DLG2: variants seen among roughly 807,000 people sequenced by gnomAD.
DLG2 encodes the protein disks large homolog 2.
In DLG2, 45 loss-of-function variants were observed where a neutral mutation model predicts 132.5. That is an observed-to-expected ratio of 0.34 (90% CI 0.27 to 0.44). The LOEUF (loss-of-function observed/expected upper bound fraction) is 0.44, where lower values mean the gene tolerates loss of function less well. Among genes scored for constraint, DLG2 ranks in the 20% least tolerant of loss-of-function variants. DLG2 has a pLI of 1.00. For synonymous variants in DLG2, 424 were observed against 419.6 expected, an observed-to-expected ratio of 1.01 and a Z score of -0.13; for missense variants, 1,045 against 1,196.9, an observed-to-expected ratio of 0.87 and a Z score of 1.87.
intron 10 of DLG2, among the ~76,000 whole-genome samples, chr11:84,071,589 T>C (rs915121535): frequency 7.2e-5 from 11 of 152,160 alleles, no homozygotes; most frequent in Non-Finnish European, 1.3e-4. Flanking sequence ...TTATTGTCAA[T>C]CACCTAGATT....
intron 7 of DLG2, among the ~76,000 whole-genome samples, chr11:84,339,674 C>T (rs2098505105): frequency 6.6e-6 from 1 of 152,066 alleles, no homozygotes; most frequent in South Asian, 2.1e-4. Flanking sequence ...AAGATCATCC[C>T]TTAGGAAGCA....
intron 6 of DLG2, among the ~76,000 whole-genome samples, chr11:84,584,930 C>T (rs554529912): frequency 1.4e-4 from 21 of 150,888 alleles, no homozygotes; most frequent in Admixed American, 8.6e-4. Context: ...CCTCGTGATC[C>T]GCCCGCCTCG....
Position 85,004,838 on chromosome 11 carries a change from C to T in DLG2, c.357+106823G>A, listed in dbSNP as rs1392193760. ...TGAATGGTATTGCCAAGGTTTTCTT[C>T]TAGGGTTTTTATGGTTTTAGGTCTT... is the stretch of plus-strand genomic sequence containing the variant. On this transcript the variant is annotated intron_variant, in intron 6 of 27. Coordinates refer to ENST00000376104, the MANE Select transcript of DLG2 (RefSeq NM_001142699.3). Among the ~76,000 whole-genome samples the T allele has an allele frequency of 1.3e-5, 2 of 152,018 alleles. 1 individual carries two copies. The highest frequency in any genetic ancestry group is 2.9e-5 in the Non-Finnish European group (2 of 68,002).
At chr11:84,548,981 T>A (rs1019562968) in intron 6 of DLG2, among the ~76,000 whole-genome samples, 1 of 152,228 alleles carries the variant, frequency 6.6e-6, no homozygotes, top group African/African-American at 2.4e-5. Context: ...AATTAGAATA[T>A]GTAAAACATG....
chr11:83,957,631 T>G (rs2087250246), intron 14 of DLG2, among the ~76,000 whole-genome samples: 1 of 151,828 alleles, frequency 6.6e-6, no homozygotes, highest in African/African-American at 2.4e-5. Context: ...CTCAATGAAC[T>G]TAAAATTAGA....
chr11:84,160,667 A>G (rs1196821038), intron 9 of DLG2, among the ~76,000 whole-genome samples: 1 of 152,206 alleles, frequency 6.6e-6, no homozygotes, highest in East Asian at 1.9e-4. Context: ...AAAGTTATTC[A>G]GTAAAAAGCA....
At chr11:83,809,160 A>G (rs535516933) in intron 17 of DLG2, among the ~76,000 whole-genome samples, 7 of 152,262 alleles carry the variant, frequency 4.6e-5, no homozygotes, top group Admixed American at 2.0e-4. Context: ...ATCCTTTTGA[A>G]GTCCAAACTG....
intron 4 of DLG2, among the ~76,000 whole-genome samples, chr11:85,177,529 AGAGT>A (rs1158391380): frequency 6.6e-6 from 1 of 151,988 alleles, no homozygotes; most frequent in Non-Finnish European, 1.5e-5. Flanking sequence ...AGTGGGTGGC[AGAGT>A]GAGGGAGAGC....
Position 84,834,922 on chromosome 11 carries a change from G to GA in DLG2, c.357+276738dup, listed in dbSNP as rs1425372347. ...GTTAATGAAAAAAAAAAATTTTTGG[G>GA]AAAAAATCTGACATCAATTAAGTTT... On this transcript the variant is annotated intron_variant, in intron 6 of 27. Transcript: ENST00000376104. Among the ~76,000 whole-genome samples the GA allele has an allele frequency of 5.9e-5, 9 of 151,424 alleles. No individual in the cohort carries two copies. The East Asian group carries it at 1.2e-3, about 20-fold the overall frequency.
rs187441786 is a variant in DLG2, at chr11:84,727,507, C to T, written c.358-192776G>A. Among the ~76,000 whole-genome samples, 443 of 152,048 alleles carry T rather than the reference C, an allele frequency of 2.9e-3. 4 individuals are homozygous for T. The highest frequency in any genetic ancestry group is 0.01 in the African/African-American group (420 of 41,492). On this transcript the variant is annotated intron_variant, in intron 6 of 27. Coordinates refer to ENST00000376104, the MANE Select transcript of DLG2 (RefSeq NM_001142699.3). Reference sequence around the variant, plus strand: ...TTTTGGTTACTGTAGCCTTGTAGTACAGTGTGAAGTAAGATAGCATGATGC... The same window carrying T: ...TTTTGGTTACTGTAGCCTTGTAGTATAGTGTGAAGTAAGATAGCATGATGC...
At chr11:84,971,262 A>C (rs888117106) in intron 6 of DLG2, among the ~76,000 whole-genome samples, 3 of 152,242 alleles carry the variant, frequency 2.0e-5, no homozygotes, top group Admixed American at 2.0e-4. Context: ...GAGGCAAGAA[A>C]ATTTTAGCTA....
intron 3 of DLG2, among the ~76,000 whole-genome samples, chr11:85,519,040 T>C (rs888196071): frequency 2.0e-5 from 3 of 152,182 alleles, no homozygotes; most frequent in Admixed American, 6.5e-5. Flanking sequence ...AACACCCGGA[T>C]ACCGAGACAG....
intron 6 of DLG2, among the ~76,000 whole-genome samples, chr11:84,615,818 T>TAAAAAAAAAAAAAAAAAAAAAAA (rs559199428): frequency 2.8e-4 from 19 of 67,616 alleles, no homozygotes; most frequent in South Asian, 1.1e-3. Flanking sequence ...ACAAAAACGG[T>TAAAAAAAAAAAAAAAAAAAAAAA]AAAAAAAAAA....
intron 3 of DLG2, among the ~76,000 whole-genome samples, chr11:85,554,651 T>A (rs949434669): frequency 2.0e-5 from 3 of 151,884 alleles, no homozygotes; most frequent in Non-Finnish European, 4.4e-5. Context: ...GTAAAACTAA[T>A]GAAAGCCCAA....
chr11:84,415,615 A>G (rs2098926817), intron 7 of DLG2, among the ~76,000 whole-genome samples: 1 of 152,182 alleles, frequency 6.6e-6, no homozygotes, highest in Admixed American at 6.6e-5. Flanking sequence ...TCGTGATTCC[A>G]AAGTGGAGAT....
At chr11:84,964,713 C>T (rs1402311007) in intron 6 of DLG2, among the ~76,000 whole-genome samples, 17 of 152,052 alleles carry the variant, frequency 1.1e-4, no homozygotes, top group Admixed American at 1.1e-3. Flanking sequence ...AGTCTTTACA[C>T]AGTTTATGTG....
chr11:84,653,884 A>G (rs2099685044), intron 6 of DLG2, among the ~76,000 whole-genome samples: 1 of 152,078 alleles, frequency 6.6e-6, no homozygotes, highest in African/African-American at 2.4e-5. Context: ...CTTTCTTGGG[A>G]GAGGCATTTG....
intron 6 of DLG2, among the ~76,000 whole-genome samples, chr11:84,812,035 T>C (rs1036392683): frequency 5.3e-5 from 8 of 152,114 alleles, no homozygotes; most frequent in Non-Finnish European, 1.2e-4. Flanking sequence ...TTATTCTCTG[T>C]CTACCATGTG....
chr11:85,468,634 C>G (rs1210258321), intron 3 of DLG2, among the ~76,000 whole-genome samples: 1 of 152,158 alleles, frequency 6.6e-6, no homozygotes, highest in African/African-American at 2.4e-5. Context: ...GAGTGAGTTT[C>G]TTAATCTTGA....
Sources: gnomAD v4.1 joint callset for allele counts (sites outside exome capture counted in the v4.1 genomes callset) on GRCh38, gnomAD v4.1.1 for gene constraint, MANE v1.5 for transcripts, NCBI Gene and HGNC (gene_info 2026-07-23, HGNC 2026-07-21) for gene names.